MAN1A2: variants seen among roughly 807,000 people sequenced by gnomAD.
The protein encoded by MAN1A2 is mannosidase alpha class 1A member 2.
MAN1A2 carries 26 observed loss-of-function variants against 75.7 expected under a neutral mutation model. The observed-to-expected ratio is 0.34, with a 90% CI of 0.25 to 0.48. The LOEUF (loss-of-function observed/expected upper bound fraction) is 0.48. Ranked by LOEUF, MAN1A2 falls within the 20% of genes least tolerant of loss-of-function variation. The pLI, the probability that MAN1A2 is intolerant of heterozygous loss-of-function variation, is 0.99. For missense variants in MAN1A2, 562 were observed against 775.5 expected (o/e 0.72, Z 3.27); for synonymous variants, 247 against 264.6 (o/e 0.93, Z 0.65).
At chr1:117,521,783 A>G (rs964704362) in intron 12 of MAN1A2, among the ~76,000 whole-genome samples, 1 of 152,000 alleles carries the variant, frequency 6.6e-6, no homozygotes, top group African/African-American at 2.4e-5. Flanking sequence ...ACCAACCCAA[A>G]TGCCCATTAA....
At chr1:117,447,685 A>C (rs1050539038) in intron 6 of MAN1A2, among the ~76,000 whole-genome samples, 1 of 152,144 alleles carries the variant, frequency 6.6e-6, no homozygotes, top group Non-Finnish European at 1.5e-5. Flanking sequence ...AGTGAGATTG[A>C]ATTTATTTTA....
intron 9 of MAN1A2, chr1:117,494,399 T>A (rs1022418131): frequency 2.6e-5 from 4 of 152,106 alleles, no homozygotes; most frequent in Non-Finnish European, 5.9e-5. Flanking sequence ...AGTTATTTTT[T>A]AAAAGTTGTA....
intron 9 of MAN1A2, among the ~76,000 whole-genome samples, chr1:117,495,681 A>G (rs756976551): frequency 3.3e-5 from 5 of 151,870 alleles, no homozygotes; most frequent in Admixed American, 6.6e-5. Context: ...ATGAACAGAA[A>G]TGACAAACAT....
At chr1:117,426,417 T>A (rs1305637320) in intron 5 of MAN1A2, among the ~76,000 whole-genome samples, 1 of 152,144 alleles carries the variant, frequency 6.6e-6, no homozygotes, top group African/African-American at 2.4e-5. Flanking sequence ...TCTCAGTTAT[T>A]GTTTTTTAAA....
intron 8 of MAN1A2, among the ~76,000 whole-genome samples, chr1:117,468,131 TG>T: frequency 6.6e-6 from 1 of 152,260 alleles, no homozygotes; most frequent in Non-Finnish European, 1.5e-5. Flanking sequence ...TCCACAGGGC[TG>T]GGGAAGCCTC....
intron 7 of MAN1A2, among the ~76,000 whole-genome samples, chr1:117,464,757 A>G (rs1162290076): frequency 1.3e-5 from 2 of 152,156 alleles, no homozygotes; most frequent in Non-Finnish European, 2.9e-5. Context: ...TGAATGACAG[A>G]TTCACTATTG....
intron 1 of MAN1A2, among the ~76,000 whole-genome samples, chr1:117,392,083 A>G (rs1474719744): frequency 1.3e-5 from 2 of 150,720 alleles, no homozygotes; most frequent in Non-Finnish European, 3.0e-5. Context: ...CTCCCTTTCT[A>G]CTCCCACCTT....
intron 2 of MAN1A2, 50 bp from the exon 3 acceptor site, chr1:117,405,499 A>G (rs758290702): frequency 1.8e-6 from 2 of 1,142,282 alleles, no homozygotes; most frequent in African/African-American, 1.5e-5. Context: ...AAATAAAAAA[A>G]CAGTTTGTGA....
rs1651049898 is a variant in MAN1A2, at chr1:117,496,894, A to C, written c.1416A>C (p.Ala472=). 6.2e-7 allele frequency: 1 copy of C among 1,612,820 alleles called. No homozygotes were observed. The highest frequency in any genetic ancestry group is 8.5e-7 in the Non-Finnish European group (1 of 1,179,264). ...CFAGGMFALG[A]DGSRADKAGH... ...CTGGGGGAATGTTTGCACTAGGAGC[A>C]GATGGTTCCAGAGCAGATAAAGCTG... Residue 472 remains alanine, a synonymous_variant, in exon 10 of 13, where the codon GCA becomes GCC. Transcript: ENST00000356554.
intron 8 of MAN1A2, among the ~76,000 whole-genome samples, chr1:117,492,044 C>T (rs1037018657): frequency 1.1e-4 from 17 of 151,922 alleles, no homozygotes; most frequent in South Asian, 8.3e-4. Context: ...TGAACATTGT[C>T]GAAATGACAA....
intron 11 of MAN1A2, among the ~76,000 whole-genome samples, chr1:117,502,112 G>A (rs1439726055): frequency 6.6e-6 from 1 of 151,758 alleles, no homozygotes; most frequent in Admixed American, 6.6e-5. Flanking sequence ...GTAAAGCACA[G>A]TAGTTAATAA....
At chr1:117,445,198 G>T (rs1649173184) in intron 6 of MAN1A2, among the ~76,000 whole-genome samples, 2 of 151,980 alleles carry the variant, frequency 1.3e-5, no homozygotes, top group Admixed American at 1.3e-4. Flanking sequence ...AATCAACCTT[G>T]AATTCCTTAG....
At chr1:117,443,115 TG>T (rs1649095364) in intron 6 of MAN1A2, among the ~76,000 whole-genome samples, 1 of 152,200 alleles carries the variant, frequency 6.6e-6, no homozygotes, top group Non-Finnish European at 1.5e-5. Context: ...ATTTGATTGT[TG>T]TTCTCTTTGC....
At chr1:117,376,908 GTTAATT>G (rs1418561825) in intron 1 of MAN1A2, among the ~76,000 whole-genome samples, 1 of 152,140 alleles carries the variant, frequency 6.6e-6, no homozygotes, top group Admixed American at 6.5e-5. Flanking sequence ...GTAAGCTAGA[GTTAATT>G]TTAAGTACAG....
intron 8 of MAN1A2, among the ~76,000 whole-genome samples, chr1:117,485,879 C>T (rs1479622824): frequency 1.3e-5 from 2 of 151,906 alleles, no homozygotes; most frequent in Non-Finnish European, 2.9e-5. Flanking sequence ...CAAAGCCTAC[C>T]AGTTAGCCCA....
chr1:117,429,240 CT>C (rs1190928925), intron 5 of MAN1A2, among the ~76,000 whole-genome samples: 5 of 143,728 alleles, frequency 3.5e-5, no homozygotes, highest in African/African-American at 7.7e-5. Flanking sequence ...ATTTCTCAAT[CT>C]TTTCCCCACC....
intron 5 of MAN1A2, among the ~76,000 whole-genome samples, chr1:117,427,035 A>G (rs1557945260): frequency 1.3e-5 from 2 of 152,314 alleles, no homozygotes; most frequent in East Asian, 1.9e-4. Context: ...GCTTTTTAAA[A>G]CAAAAAATGT....
At chr1:117,450,922 GGGAAATGTGGGGTTGGAGCCCCAACA>G (rs1419559232) in intron 6 of MAN1A2, among the ~76,000 whole-genome samples, 3 of 152,214 alleles carry the variant, frequency 2.0e-5, no homozygotes, top group Non-Finnish European at 4.4e-5. Flanking sequence ...GAGGGCCGAA[GGGAAATGTGGGGTTGGAGCCCCAACA>G]CAGAGTACCT....
At chr1:117,494,624 C>A (rs1467457596) in intron 9 of MAN1A2, 3 of 151,966 alleles carry the variant, frequency 2.0e-5, no homozygotes, top group African/African-American at 7.2e-5. Flanking sequence ...AGGTACTCAA[C>A]AAGTGTTTAT....
Sources: gnomAD v4.1 joint callset for allele counts (sites outside exome capture counted in the v4.1 genomes callset) on GRCh38, gnomAD v4.1.1 for gene constraint, MANE v1.5 for transcripts, NCBI Gene and HGNC (gene_info 2026-07-23, HGNC 2026-07-21) for gene names.